Variants in P2RX6 observed in about 807,000 individuals in gnomAD.
P2RX6 encodes the protein purinergic receptor P2X 6, also known as P2X purinoceptor 6.
P2RX6 carries 62 observed loss-of-function variants against 54.2 expected under a neutral mutation model. The observed-to-expected ratio is 1.14, with a 90% CI of 0.93 to 1.41. The LOEUF is 1.41. Ranked by LOEUF, P2RX6 falls within the 40% of genes most tolerant of loss-of-function variation. The pLI is 0.00. For missense variants in P2RX6, 541 were observed against 566.3 expected (o/e 0.96, Z 0.45); for synonymous variants, 211 against 231.9 (o/e 0.91, Z 0.82).
Position 21,026,050 on chromosome 22 carries a change from G to C in P2RX6, c.1024G>C (p.Gly342Arg), listed in dbSNP as rs767221400. The C allele has an allele frequency of 6.2e-7, 1 of 1,611,828 alleles. No homozygotes were observed. Among genetic ancestry groups the C allele is most frequent in the Non-Finnish European group, 8.5e-7 (1 of 1,179,314 alleles). ...GCTCATCCCCACGGCCGTCACACTG[G>C]GCACCGGGGCAGCTTGGCTGGGCGT... ...FGLIPTAVTL[G>R]TGAAWLGVVT... Residue 342 changes from glycine (G) to arginine (R), a missense_variant, in exon 10 of 12, where the codon GGC becomes CGC. Physicochemically the swap from Gly to Arg is moderately radical, Grantham distance 125. Coordinates refer to ENST00000413302, the MANE Select transcript of P2RX6 (RefSeq NM_005446.5). The surrounding 1 kb of genome is among the most constrained non-coding windows in gnomAD (Gnocchi z 4.0).
Position 21,015,170 on chromosome 22 carries a change from G to A in P2RX6, c.-5G>A, listed in dbSNP as rs757045654. 1.3e-6 allele frequency: 2 copies of A among 1,489,190 alleles called. No homozygotes were observed. Among genetic ancestry groups the A allele is most frequent in the Admixed American group, 2.7e-5 (1 of 36,812 alleles). 92.2% of individuals were successfully genotyped at this position (1,489,190 alleles called of 1,614,324 possible). A position where few individuals can be genotyped will look rare whatever the true frequency, so the allele number is the denominator to read the frequency against. Reference sequence around the variant, plus strand: ...CAGCTGCGGCTGCAGCTGCCATGCTGACTCATGTGCCCGCAGCTAGCAGGA... The same window carrying A: ...CAGCTGCGGCTGCAGCTGCCATGCTAACTCATGTGCCCGCAGCTAGCAGGA... On this transcript the variant is annotated 5_prime_UTR_variant, in exon 1 of 12. Transcript: ENST00000413302.
chr22:21,013,207 A>T (rs1925861125), upstream of P2RX6: 1 of 161,094 alleles, frequency 6.2e-6, no homozygotes, highest in South Asian at 1.9e-4. Context: ...AGGGGGATGA[A>T]TGTGAACCCC....
chr22:21,025,883 C>A lies in P2RX6; in HGVS notation c.969C>A (p.Ile323=). The stretch of plus-strand genomic sequence containing the variant: ...AGCTCTATGGAATCCGCTTCGACAT[C>A]CTCGTCACCGGGCAGGTAGGCACAG... The part of the protein sequence containing the change: ...LLKLYGIRFD[I]LVTGQAGKFG... Residue 323 remains isoleucine, a synonymous_variant, in exon 9 of 12, where the codon ATC becomes ATA. Transcript: ENST00000413302. 6.3e-7 allele frequency: 1 copy of A among 1,576,978 alleles called. No homozygotes were observed. Among genetic ancestry groups the A allele is most frequent in the South Asian group, 1.2e-5 (1 of 85,898 alleles).
intron 2 of P2RX6, among the ~76,000 whole-genome samples, chr22:21,016,455 G>T (rs1481401069): frequency 1.3e-5 from 2 of 152,070 alleles, no homozygotes; most frequent in African/African-American, 4.8e-5. Flanking sequence ...CGGGCATGGT[G>T]GTGGGCGCCT....
At chr22:21,021,906 C>T (rs1927468200) in intron 3 of P2RX6, among the ~76,000 whole-genome samples, 2 of 152,168 alleles carry the variant, frequency 1.3e-5, no homozygotes, top group African/African-American at 4.8e-5. Context: ...CTTCAATACC[C>T]AAGCCCCTGA....
Position 21,023,489 on chromosome 22 carries a change from A to G in P2RX6, c.781-20A>G. The G allele has an allele frequency of 6.2e-7, 1 of 1,613,632 alleles. No homozygotes were observed. On this transcript the variant is annotated intron_variant, in intron 7 of 11. Coordinates refer to ENST00000413302, the MANE Select transcript of P2RX6 (RefSeq NM_005446.5). The stretch of plus-strand genomic sequence containing the variant: ...GTCCCGGGCCCACCCACCGGTGGAA[A>G]AGCTATGTGCTATGTGCAGGGTGGC...
At position 21,022,050 on chromosome 22, in the gene P2RX6, C is replaced by T. The variant is rs373600709; in HGVS notation, c.388-626C>T. 4.6e-5 allele frequency among the ~76,000 whole-genome samples: 7 copies of T among 152,282 alleles called. No individual in the cohort carries two copies. In the South Asian group the frequency reaches 1.0e-3, roughly 23 times the overall value. ...GAGCTAGACCTGGAAGAATCACTTC[C>T]GCATCCACCAGGGACAGAACTGTCA... On this transcript the variant is annotated intron_variant, in intron 3 of 11. Coordinates refer to ENST00000413302, the MANE Select transcript of P2RX6 (RefSeq NM_005446.5).
At chr22:21,025,637 G>A (rs1223518427) in intron 8 of P2RX6, among the ~76,000 whole-genome samples, 168 bp from the exon 9 acceptor site, 1 of 152,158 alleles carries the variant, frequency 6.6e-6, no homozygotes, top group African/African-American at 2.4e-5. Flanking sequence ...ACAGGTCTTC[G>A]TTTGCTTTTT....
intron 8 of P2RX6, 44 bp from the exon 9 acceptor site, chr22:21,025,761 G>A (rs1569180651): frequency 7.0e-7 from 1 of 1,438,410 alleles, no homozygotes; most frequent in Non-Finnish European, 9.6e-7. Flanking sequence ...CCCCACCTGG[G>A]GGTGGGCAAA....
chr22:21,023,224 C>G lies in P2RX6; in HGVS notation c.638+26C>G, dbSNP rs748928627. On this transcript the variant is annotated intron_variant, in intron 6 of 11. Transcript: ENST00000413302. ...GTAAGCAGAGTGGGTCTCATCTGCCCCAAGACCCTCCTTGTCCCCTACCTC... is the reference window on the plus strand; with the variant it reads ...GTAAGCAGAGTGGGTCTCATCTGCCGCAAGACCCTCCTTGTCCCCTACCTC... 1.5e-5 allele frequency: 24 copies of G among 1,613,204 alleles called. No homozygotes were observed. The Admixed American group carries it at 3.3e-4, about 22-fold the overall frequency.
intron 6 of P2RX6, 32 bp downstream of exon 6, chr22:21,023,230 C>T: frequency 6.2e-7 from 1 of 1,613,884 alleles, no homozygotes; most frequent in Non-Finnish European, 8.5e-7. Context: ...TGCCCCAAGA[C>T]CCTCCTTGTC....
At position 21,023,610 on chromosome 22, in the gene P2RX6, C is replaced by T. The variant is rs764241676; in HGVS notation, c.882C>T (p.Tyr294=). The change falls in exon 8 of 12, where the codon TAC becomes TAT. Residue 294 remains tyrosine, a synonymous_variant. Coordinates refer to ENST00000413302, the MANE Select transcript of P2RX6 (RefSeq NM_005446.5). ...CCTTCCAGCTGCAGGAGAAGAGCTACAACTTCAGGTGAGGCCCCACTGCTC... is the reference window on the plus strand; with the variant it reads ...CCTTCCAGCTGCAGGAGAAGAGCTATAACTTCAGGTGAGGCCCCACTGCTC... ...HYSFQLQEKS[Y]NFRTATHWWE... The T allele has an allele frequency of 6.2e-7, 1 of 1,604,750 alleles. No homozygotes were observed. Among genetic ancestry groups the T allele is most frequent in the Non-Finnish European group, 8.5e-7 (1 of 1,174,982 alleles).
chr22:21,012,495 G>T, upstream of P2RX6: 1 of 541,628 alleles, frequency 1.8e-6, no homozygotes. Flanking sequence ...GAGGACTCAC[G>T]CCTGCCCACC....
At chr22:21,019,987 G>A (rs957239175) in intron 3 of P2RX6, among the ~76,000 whole-genome samples, 1 of 152,198 alleles carries the variant, frequency 6.6e-6, no homozygotes, top group African/African-American at 2.4e-5. Context: ...CTTCCAGTGT[G>A]GGTGTCGTGG....
chr22:21,027,000 G>T lies in P2RX6; in HGVS notation c.*383G>T. 1 of 226,782 alleles carries T rather than the reference G, an allele frequency of 4.4e-6. No individual in the cohort carries two copies. The highest frequency in any genetic ancestry group is 8.7e-6 in the Non-Finnish European group (1 of 115,426). The allele number at this position is 226,782 out of a possible 1,614,324, so 14.0% of individuals were successfully genotyped here. ...CAGCACAGACCCTCCTGCTGCCTGG[G>T]TCCTGGCCCTCCTCCCCCATCTGCA... On this transcript the variant is annotated 3_prime_UTR_variant, in exon 12 of 12. Transcript: ENST00000413302. This position sits in a 1 kb window ranked among gnomAD's most constrained non-coding sequence, Gnocchi z 4.0.
chr22:21,011,730 G>A (rs183166165), upstream of P2RX6: 93 of 590,320 alleles, frequency 1.6e-4, 2 homozygotes, highest in African/African-American at 1.6e-3. Context: ...GGGGTTGCAT[G>A]GTGGCTCTGG....
intron 9 of P2RX6, 48 bp downstream of exon 9, chr22:21,025,946 C>T (rs1256618046): frequency 6.3e-7 from 1 of 1,582,426 alleles, no homozygotes; most frequent in Non-Finnish European, 8.6e-7. Context: ...GGCAGGCAGA[C>T]AGGGCTGGAG....
chr22:21,019,303 T>A lies in P2RX6; in HGVS notation c.387+1243T>A, dbSNP rs1231738584. 4.6e-5 allele frequency among the ~76,000 whole-genome samples: 7 copies of A among 151,846 alleles called. No homozygotes were observed. The East Asian group carries it at 1.4e-3, about 30-fold the overall frequency. Reference sequence around the variant, plus strand: ...GTAGTTGGAAATATGCACAAAGGATTGCTTACTCTTTTTGTTTGTTTGTTT... The same window carrying A: ...GTAGTTGGAAATATGCACAAAGGATAGCTTACTCTTTTTGTTTGTTTGTTT... On this transcript the variant is annotated intron_variant, in intron 3 of 11. Transcript: ENST00000413302.
chr22:21,014,502 C>T (rs192889399), upstream of P2RX6, among the ~76,000 whole-genome samples: 1 of 152,314 alleles, frequency 6.6e-6, no homozygotes, highest in Admixed American at 6.5e-5. Flanking sequence ...CTGGGCTGGG[C>T]GCCTTGTGGG....
Sources: allele counts gnomAD v4.1 joint callset (sites outside exome capture counted in the v4.1 genomes callset), GRCh38; gene constraint gnomAD v4.1.1; non-coding constraint Gnocchi (gnomAD v3.1); transcripts MANE v1.5; gene names NCBI Gene and HGNC (gene_info 2026-07-23, HGNC 2026-07-21).